Variants in PLEKHH3 observed in about 807,000 individuals in gnomAD.
PLEKHH3 encodes pleckstrin homology, MyTH4 and FERM domain containing H3, also known as pleckstrin homology domain-containing family H member 3.
Under a neutral mutation model 77.8 loss-of-function variants are expected in PLEKHH3, and 57 were observed. The observed-to-expected ratio is 0.73, with a 90% CI of 0.59 to 0.91. PLEKHH3 has a LOEUF of 0.91. Ranked by LOEUF, PLEKHH3 falls within the 40% of genes least tolerant of loss-of-function variation. The pLI is 0.00. For synonymous variants in PLEKHH3, 467 were observed against 504.8 expected, an observed-to-expected ratio of 0.93 and a Z score of 1.00; for missense variants, 1,082 against 1,091.2, an observed-to-expected ratio of 0.99 and a Z score of 0.12.
In PLEKHH3 at chr17:42,672,196, C is replaced by T. The variant is rs969810484; in HGVS notation, c.966G>A (p.Pro322=). Residue 322 remains proline, a synonymous_variant, in exon 7 of 13, where the codon CCG becomes CCA. Transcript: ENST00000591022. ...GCAGGGCCGCAGGGTCTTGGGTAGC[C>T]GGGAGCCCGGGGGGACCTGCAGGGC... ...TSGPAGPPGL[P]ATQDPAALRY... is the part of the protein sequence containing the mutation. 8 of 1,550,946 alleles carry T rather than the reference C, an allele frequency of 5.2e-6. No individual in the cohort carries two copies. In the African/African-American group the frequency reaches 9.6e-5, roughly 19 times the overall value.
Position 42,671,608 on chromosome 17 carries a change from C to T in PLEKHH3, c.1077-50G>A, listed in dbSNP as rs1028415367. On this transcript the variant is annotated intron_variant, in intron 7 of 12. Coordinates refer to ENST00000591022, the MANE Select transcript of PLEKHH3 (RefSeq NM_024927.5). The surrounding 1 kb of genome is among the most constrained non-coding windows in gnomAD (Gnocchi z 4.7). The stretch of plus-strand genomic sequence containing the variant: ...CAATACTCCAAGGGCTTTCTTCTCC[C>T]CCTCCCTCTTGCCTGCTTCTCTTAT... 6 of 1,522,342 alleles carry T rather than the reference C, an allele frequency of 3.9e-6. No individual in the cohort carries two copies. The highest frequency in any genetic ancestry group is 3.4e-4 in the Middle Eastern group (2 of 5,884). 94.3% of individuals were successfully genotyped at this position (1,522,342 alleles called of 1,614,324 possible).
In PLEKHH3 at chr17:42,676,486, G is replaced by T; in HGVS notation, c.78C>A (p.Asp26Glu). 6.2e-7 allele frequency: 1 copy of T among 1,610,528 alleles called. No homozygotes were observed. Among genetic ancestry groups the T allele is most frequent in the Non-Finnish European group, 8.5e-7 (1 of 1,178,664 alleles). Residue 26 changes from aspartate to glutamate, a missense_variant, in exon 1 of 13, where the codon GAC (aspartate) becomes GAA (glutamate). By Grantham distance (45) the Asp-to-Glu change is conservative. Transcript: ENST00000591022. The surrounding 1 kb of genome is among the most constrained non-coding windows in gnomAD (Gnocchi z 6.6). Reference sequence around the variant, plus strand: ...CGTCCCCGTCCCCGCTAAGCTCGCCGTCCCCGTAGTCCCGGTGCAGAAGAG... The same window carrying T: ...CGTCCCCGTCCCCGCTAAGCTCGCCTTCCCCGTAGTCCCGGTGCAGAAGAG... ...GFTLLHRDYG[D>E]GELSGDGDED...
intron 6 of PLEKHH3, 32 bp from the exon 7 acceptor site, chr17:42,672,424 G>A (rs2052724901): frequency 6.8e-7 from 1 of 1,477,540 alleles, no homozygotes; most frequent in Non-Finnish European, 9.0e-7. Flanking sequence ...GGGACGGTTT[G>A]GAGAGGGGAC....
intron 2 of PLEKHH3, 84 bp from the exon 3 acceptor site, chr17:42,674,097 T>C (rs1214677749): frequency 7.1e-7 from 1 of 1,417,016 alleles, no homozygotes; most frequent in Non-Finnish European, 9.7e-7. Flanking sequence ...CGCACGGGTG[T>C]CTGCTCCCAA....
chr17:42,668,505 T>G (rs2052606434), intron 12 of PLEKHH3: 1 of 395,190 alleles, frequency 2.5e-6, no homozygotes, highest in African/African-American at 2.1e-5. Context: ...TCCCCCAGGT[T>G]GGAGTGCAGT....
In PLEKHH3 at chr17:42,670,101, GCCGGCCCCGCCGCGC is replaced by G. The variant is rs1353159051; in HGVS notation, c.1815_1829del (p.Gly607_Arg611del). ...CGCGGGCAATGCTTCCCGCAGTGCG[GCCGGCCCCGCCGCGC>G]CGGGCCCGCTCCGCCCGCCTCTTGG... On this transcript the variant is annotated inframe_deletion, in exon 11 of 13. Transcript: ENST00000591022. 7.5e-7 allele frequency: 1 copy of G among 1,328,290 alleles called. No individual in the cohort carries two copies. The highest frequency in any genetic ancestry group is 9.5e-7 in the Non-Finnish European group (1 of 1,047,876). The allele number at this position is 1,328,290 out of a possible 1,614,324, so 82.3% of individuals were successfully genotyped here. A position where few individuals can be genotyped will look rare whatever the true frequency, so the allele number is the denominator to read the frequency against.
At chr17:42,672,914 T>C (rs1172980367) in intron 6 of PLEKHH3, among the ~76,000 whole-genome samples, 2 of 151,806 alleles carry the variant, frequency 1.3e-5, no homozygotes, top group Non-Finnish European at 2.9e-5. Context: ...AATGAAAAAA[T>C]AGGGGAGTGT....
Position 42,676,786 on chromosome 17 carries a change from A to G in PLEKHH3, c.-223T>C. Reference sequence around the variant, plus strand: ...CTGGGCCCCCGGAGGGGGGAGGGGGAAAAGCGTCCAGGGCCCCGGGAGAGG... The same window carrying G: ...CTGGGCCCCCGGAGGGGGGAGGGGGGAAAGCGTCCAGGGCCCCGGGAGAGG... On this transcript the variant is annotated 5_prime_UTR_variant, in exon 1 of 13. Coordinates refer to ENST00000591022, the MANE Select transcript of PLEKHH3 (RefSeq NM_024927.5). This position sits in a 1 kb window ranked among gnomAD's most constrained non-coding sequence, Gnocchi z 6.6. 1 of 591,918 alleles carries G rather than the reference A, an allele frequency of 1.7e-6. No individual in the cohort carries two copies. Among genetic ancestry groups the G allele is most frequent in the Non-Finnish European group, 3.0e-6 (1 of 334,144 alleles). The allele number at this position is 591,918 out of a possible 1,614,324, so 36.7% of individuals were successfully genotyped here. A position where few individuals can be genotyped will look rare whatever the true frequency, so the allele number is the denominator to read the frequency against.
At position 42,671,446 on chromosome 17, in the gene PLEKHH3, C is replaced by G. The variant is rs2052699188; in HGVS notation, c.1189G>C (p.Ala397Pro). 1 of 1,613,012 alleles carries G rather than the reference C, an allele frequency of 6.2e-7. No individual in the cohort carries two copies. The highest frequency in any genetic ancestry group is 1.7e-5 in the Admixed American group (1 of 59,996). Reference protein sequence around the residue: ...ELVPSLAEISALSQRQELLCT... With the variant: ...ELVPSLAEISPLSQRQELLCT... ...AGCAGCTCCTGCCGTTGGCTCAACGCGGAAATCTCCGCCAGCGAGGGCACC... is the reference window on the plus strand; with the variant it reads ...AGCAGCTCCTGCCGTTGGCTCAACGGGGAAATCTCCGCCAGCGAGGGCACC... The change falls in exon 8 of 13, where the codon GCG becomes CCG. Residue 397 changes from alanine (A) to proline (P), a missense_variant. Ala to Pro is a conservative substitution (Grantham distance 27). Coordinates refer to ENST00000591022, the MANE Select transcript of PLEKHH3 (RefSeq NM_024927.5). The surrounding 1 kb of genome is among the most constrained non-coding windows in gnomAD (Gnocchi z 4.7).
chr17:42,674,292 G>A lies in PLEKHH3; in HGVS notation c.218+62C>T. ...GCACAACCGCTAGGGGAGACAGAGA[G>A]GATGGGGGTCCCGGGAACATGCTGG... is the stretch of plus-strand genomic sequence containing the variant. On this transcript the variant is annotated intron_variant, in intron 2 of 12. Transcript: ENST00000591022. 3 of 1,497,458 alleles carry A rather than the reference G, an allele frequency of 2.0e-6. No individual in the cohort carries two copies. The South Asian group carries it at 3.9e-5, about 20-fold the overall frequency. 92.8% of individuals were successfully genotyped at this position (1,497,458 alleles called of 1,614,324 possible).
chr17:42,674,669 G>A (rs1294373452), intron 1 of PLEKHH3: 1 of 388,350 alleles, frequency 2.6e-6, no homozygotes, highest in Non-Finnish European at 4.6e-6. Context: ...CAGGGGTAGG[G>A]TAGGGTGGAA....
chr17:42,672,002 C>A, intron 7 of PLEKHH3, 84 bp downstream of exon 7: 1 of 1,162,126 alleles, frequency 8.6e-7, no homozygotes, highest in Non-Finnish European at 1.2e-6. Context: ...CTTTACCTAC[C>A]AAGTCTTTTG....
Position 42,673,179 on chromosome 17 carries a change from G to C in PLEKHH3, c.766C>G (p.Pro256Ala). The part of the protein sequence containing the change: ...LLPLPYGVSA[P>A]GPGYAPLREE... ...CTTGGGCCATGGGACCACTCACCTGGGGCGCTGACTCCATAGGGCAGGGGC... is the reference window on the plus strand; with the variant it reads ...CTTGGGCCATGGGACCACTCACCTGCGGCGCTGACTCCATAGGGCAGGGGC... Residue 256 changes from proline (P) to alanine (A), a missense_variant, in exon 6 of 13, where the codon CCA becomes GCA. By Grantham distance (27) the Pro-to-Ala change is conservative. This residue lies in a region of PLEKHH3 where 733 missense variants were observed against 750.0 expected (regional missense o/e 0.98). Transcript: ENST00000591022. 6.6e-7 allele frequency: 1 copy of C among 1,519,682 alleles called. No individual in the cohort carries two copies. Among genetic ancestry groups the C allele is most frequent in the Non-Finnish European group, 8.8e-7 (1 of 1,135,706 alleles). The allele number at this position is 1,519,682 out of a possible 1,614,324, so 94.1% of individuals were successfully genotyped here.
In PLEKHH3 at chr17:42,671,477, T is replaced by C. The variant is rs1165791177; in HGVS notation, c.1158A>G (p.Arg386=). 2 of 1,613,162 alleles carry C rather than the reference T, an allele frequency of 1.2e-6. No homozygotes were observed. Among genetic ancestry groups the C allele is most frequent in the Non-Finnish European group, 1.7e-6 (2 of 1,180,006 alleles). Residue 386 remains arginine, a synonymous_variant, in exon 8 of 13, where the codon AGA becomes AGG. Transcript: ENST00000591022. The surrounding 1 kb of genome is among the most constrained non-coding windows in gnomAD (Gnocchi z 4.7). ...TCTCCGCCAGCGAGGGCACCAGCTC[T>C]CTGCCGCGCGTCCGGCCCAGCGCTT... is the stretch of plus-strand genomic sequence containing the variant. The part of the protein sequence containing the change: ...IRKALGRTRG[R]ELVPSLAEIS...
At position 42,676,155 on chromosome 17, in the gene PLEKHH3, G is replaced by A. The variant is rs2052822018; in HGVS notation, c.162+247C>T. On this transcript the variant is annotated intron_variant, in intron 1 of 12. Transcript: ENST00000591022. The surrounding 1 kb of genome is among the most constrained non-coding windows in gnomAD (Gnocchi z 6.6). ...AGGGCCAGGTCGGGCCACGCGTGACGCCTCCCCTGCCTCAGGGCCCCCAGC... is the reference window on the plus strand; with the variant it reads ...AGGGCCAGGTCGGGCCACGCGTGACACCTCCCCTGCCTCAGGGCCCCCAGC... 1.5e-6 allele frequency: 2 copies of A among 1,368,572 alleles called. No individual in the cohort carries two copies. Among genetic ancestry groups the A allele is most frequent in the African/African-American group, 3.0e-5 (2 of 67,388 alleles). The allele number at this position is 1,368,572 out of a possible 1,614,324, so 84.8% of individuals were successfully genotyped here. A position where few individuals can be genotyped will look rare whatever the true frequency, so the allele number is the denominator to read the frequency against.
chr17:42,672,152 G>A lies in PLEKHH3; in HGVS notation c.1010C>T (p.Thr337Ile), dbSNP rs992695049. 2 of 1,546,422 alleles carry A rather than the reference G, an allele frequency of 1.3e-6. No individual in the cohort carries two copies. The highest frequency in any genetic ancestry group is 1.7e-6 in the Non-Finnish European group (2 of 1,143,578). ...PAALRYWQLLTCMSCTFRPGG... is the reference protein window; with the variant it reads ...PAALRYWQLLICMSCTFRPGG... The stretch of plus-strand genomic sequence containing the variant: ...AGGTCGGAAGGTGCAGCTCATGCAG[G>A]TGAGGAGTTGCCAGTACCGCAGGGC... Residue 337 changes from threonine (T) to isoleucine (I), a missense_variant, in exon 7 of 13, where the codon ACC (threonine) becomes ATC (isoleucine). Thr to Ile is a moderately conservative substitution (Grantham distance 89). Around this residue, in one of 3 missense-constraint regions of PLEKHH3, gnomAD observed 733 missense variants for 750.0 expected, o/e 0.98. Transcript: ENST00000591022.
rs1365591939 is a variant in PLEKHH3 at position 42,671,184 on chromosome 17, AG to A, written c.1285-55del. On this transcript the variant is annotated intron_variant, in intron 8 of 12. Coordinates refer to ENST00000591022, the MANE Select transcript of PLEKHH3 (RefSeq NM_024927.5). This position sits in a 1 kb window ranked among gnomAD's most constrained non-coding sequence, Gnocchi z 4.7. ...TCAGAGGTCTTGCCAGGATTCTGGG[AG>A]GGGTTGATTCAATTGGAAGGGGTCT... 6.5e-7 allele frequency: 1 copy of A among 1,533,262 alleles called. No homozygotes were observed. 95.0% of individuals were successfully genotyped at this position (1,533,262 alleles called of 1,614,324 possible). A position where few individuals can be genotyped will look rare whatever the true frequency, so the allele number is the denominator to read the frequency against.
chr17:42,670,533 T>TG (rs762274679), intron 10 of PLEKHH3, 40 bp downstream of exon 10: 3 of 1,583,414 alleles, frequency 1.9e-6, no homozygotes, highest in African/African-American at 1.3e-5. Flanking sequence ...GGTTCAGGCT[T>TG]GGGGGTCTGT....
At position 42,676,161 on chromosome 17, in the gene PLEKHH3, C is replaced by T; in HGVS notation, c.162+241G>A. 2 of 1,380,624 alleles carry T rather than the reference C, an allele frequency of 1.4e-6. No homozygotes were observed. Among genetic ancestry groups the T allele is most frequent in the Non-Finnish European group, 1.9e-6 (2 of 1,068,482 alleles). The allele number at this position is 1,380,624 out of a possible 1,614,324, so 85.5% of individuals were successfully genotyped here. On this transcript the variant is annotated intron_variant, in intron 1 of 12. Transcript: ENST00000591022. The surrounding 1 kb of genome is among the most constrained non-coding windows in gnomAD (Gnocchi z 6.6). Reference sequence around the variant, plus strand: ...AGGTCGGGCCACGCGTGACGCCTCCCCTGCCTCAGGGCCCCCAGCAGGTGG... The same window carrying T: ...AGGTCGGGCCACGCGTGACGCCTCCTCTGCCTCAGGGCCCCCAGCAGGTGG...
Sources: gnomAD v4.1 joint callset for allele counts (sites outside exome capture counted in the v4.1 genomes callset) on GRCh38, gnomAD v4.1.1 for gene constraint, gnomAD v4.1.1 regional missense constraint, Gnocchi (gnomAD v3.1) non-coding constraint, MANE v1.5 for transcripts, NCBI Gene and HGNC (gene_info 2026-07-23, HGNC 2026-07-21) for gene names.